Variants in CHST13 observed in about 807,000 individuals in gnomAD.
CHST13 encodes the protein carbohydrate sulfotransferase 13.
A neutral mutation model predicts 7.0 loss-of-function variants in CHST13; 1 was observed. The ratio of observed to expected loss-of-function variants is 0.14; its 90% CI spans 0.05 to 0.68. CHST13 has a LOEUF of 0.68. Ranked by LOEUF, CHST13 falls within the 30% of genes least tolerant of loss-of-function variation. The pLI is 0.82. For synonymous variants in CHST13, 257 were observed against 240.9 expected, an observed-to-expected ratio of 1.07 and a Z score of -0.62; for missense variants, 572 against 507.9, an observed-to-expected ratio of 1.13 and a Z score of -1.21.
intron 2 of CHST13, among the ~76,000 whole-genome samples, chr3:126,537,425 T>G (rs2107569312): frequency 6.6e-6 from 1 of 152,316 alleles, no homozygotes; most frequent in South Asian, 2.1e-4. Flanking sequence ...ATTTTCACCC[T>G]TGGGGTATCC....
Position 126,524,202 on chromosome 3 carries a change from G to C in CHST13, c.-131G>C. On this transcript the variant is annotated 5_prime_UTR_variant, in exon 1 of 3. Transcript: ENST00000319340. Reference sequence around the variant, plus strand: ...CTGGTGGGGCTGGGGTCCAGCTGCCGTGCTCCCCTGCCCTGCGCCGCGCCG... The same window carrying C: ...CTGGTGGGGCTGGGGTCCAGCTGCCCTGCTCCCCTGCCCTGCGCCGCGCCG... 1.6e-6 allele frequency: 1 copy of C among 631,518 alleles called. No individual in the cohort carries two copies. The highest frequency in any genetic ancestry group is 4.1e-5 in the East Asian group (1 of 24,470). The allele number at this position is 631,518 out of a possible 1,614,324, so 39.1% of individuals were successfully genotyped here.
rs974275187 is a variant in CHST13 at position 126,524,268 on chromosome 3, G to A, written c.-65G>A. 5 of 1,184,888 alleles carry A rather than the reference G, an allele frequency of 4.2e-6. No individual in the cohort carries two copies. In the Admixed American group the frequency reaches 2.2e-4, roughly 52 times the overall value. The allele number at this position is 1,184,888 out of a possible 1,614,324, so 73.4% of individuals were successfully genotyped here. Reference sequence around the variant, plus strand: ...GCTGCGCTGCCGGGGCCGGGTCCTGGGCCAGTGCAACTCCGCCCCCAGCCG... The same window carrying A: ...GCTGCGCTGCCGGGGCCGGGTCCTGAGCCAGTGCAACTCCGCCCCCAGCCG... On this transcript the variant is annotated 5_prime_UTR_variant, in exon 1 of 3. Transcript: ENST00000319340.
In CHST13 at chr3:126,542,465, G is replaced by C. The variant is rs1224762897; in HGVS notation, c.913G>C (p.Ala305Pro). ...RGAAASRDLA[A>P]RLFRDISPFY... ...AGCCGCCGCCTCCCGCGACCTGGCA[G>C]CGCGCCTCTTCCGGGACATCAGCCC... Residue 305 changes from alanine (A) to proline (P), a missense_variant, in exon 3 of 3, where the codon GCG (alanine) becomes CCG (proline). Physicochemically the swap from Ala to Pro is conservative, Grantham distance 27 (BLOSUM62 -1). Coordinates refer to ENST00000319340, the MANE Select transcript of CHST13 (RefSeq NM_152889.3). 1 of 1,575,778 alleles carries C rather than the reference G, an allele frequency of 6.3e-7. No individual in the cohort carries two copies. Among genetic ancestry groups the C allele is most frequent in the Non-Finnish European group, 8.6e-7 (1 of 1,163,776 alleles).
At chr3:126,540,735 A>G (rs1936940311) in intron 2 of CHST13, among the ~76,000 whole-genome samples, 1 of 152,200 alleles carries the variant, frequency 6.6e-6, no homozygotes, top group African/African-American at 2.4e-5. Context: ...GAATATGCCT[A>G]GGACCGGAAT....
chr3:126,536,491 T>G, intron 2 of CHST13, 138 bp downstream of exon 2: 1 of 635,682 alleles, frequency 1.6e-6, no homozygotes. Flanking sequence ...AACCAGGCTT[T>G]GTCAGAGAGC....
At chr3:126,541,071 G>T (rs144594475) in intron 2 of CHST13, among the ~76,000 whole-genome samples, 1 of 152,308 alleles carries the variant, frequency 6.6e-6, no homozygotes, top group Non-Finnish European at 1.5e-5. Flanking sequence ...ACATGGCTGA[G>T]GCTGCGAGGG....
chr3:126,528,587 GT>G (rs1268404357), intron 1 of CHST13, among the ~76,000 whole-genome samples: 1 of 152,140 alleles, frequency 6.6e-6, no homozygotes, highest in Non-Finnish European at 1.5e-5. Flanking sequence ...CTTGGTAATT[GT>G]TCCAGGGAGA....
chr3:126,538,663 G>A (rs1480955322), intron 2 of CHST13, among the ~76,000 whole-genome samples: 1 of 152,162 alleles, frequency 6.6e-6, no homozygotes, highest in East Asian at 1.9e-4. Context: ...CTTGGCTGTG[G>A]GCCCCGGGGG....
intron 1 of CHST13, chr3:126,529,336 T>C (rs1368920259): frequency 5.4e-6 from 7 of 1,289,258 alleles, no homozygotes; most frequent in African/African-American, 1.5e-5. Context: ...CCTGGGCTGG[T>C]ATTTCCTCAT....
At position 126,524,284 on chromosome 3, in the gene CHST13, C is replaced by A. The variant is rs1022032391; in HGVS notation, c.-49C>A. 21 of 1,213,498 alleles carry A rather than the reference C, an allele frequency of 1.7e-5. 1 individual carries two copies. The African/African-American group carries it at 2.8e-4, about 16-fold the overall frequency. The allele number at this position is 1,213,498 out of a possible 1,614,324, so 75.2% of individuals were successfully genotyped here. A position where few individuals can be genotyped will look rare whatever the true frequency, so the allele number is the denominator to read the frequency against. ...CGGGTCCTGGGCCAGTGCAACTCCG[C>A]CCCCAGCCGTATCCAGCGGACTGTC... On this transcript the variant is annotated 5_prime_UTR_variant, in exon 1 of 3. Coordinates refer to ENST00000319340, the MANE Select transcript of CHST13 (RefSeq NM_152889.3).
chr3:126,538,128 G>A (rs1936837383), intron 2 of CHST13, among the ~76,000 whole-genome samples: 1 of 152,220 alleles, frequency 6.6e-6, no homozygotes, highest in African/African-American at 2.4e-5. Flanking sequence ...GGGTATTCAT[G>A]TGCCTATGAG....
chr3:126,524,846 G>A lies in CHST13; in HGVS notation c.97+417G>A, dbSNP rs78318817. 1.7e-3 allele frequency among the ~76,000 whole-genome samples: 260 copies of A among 152,310 alleles called. 1 individual carries two copies. The highest frequency in any genetic ancestry group is 6.0e-3 in the African/African-American group (249 of 41,568). ...AGGGGAAGCTTGGGCCACTCGGTCC[G>A]GTCCCTTGGTTGTCCTACTGTGCAG... On this transcript the variant is annotated intron_variant, in intron 1 of 2. Transcript: ENST00000319340.
chr3:126,534,010 A>G (rs1231221713), intron 1 of CHST13, among the ~76,000 whole-genome samples: 2 of 152,140 alleles, frequency 1.3e-5, no homozygotes, highest in Admixed American at 1.3e-4. Flanking sequence ...TTGGGCTACA[A>G]TTGTTCAGAG....
chr3:126,539,132 T>A (rs975489226), intron 2 of CHST13, among the ~76,000 whole-genome samples: 5 of 152,080 alleles, frequency 3.3e-5, no homozygotes, highest in Admixed American at 2.0e-4. Flanking sequence ...TTCAAGCATA[T>A]GCAAGAAGAA....
rs1389125752 is a variant in CHST13, at chr3:126,542,572, G to A, written c.1020G>A (p.Leu340=). 6 of 1,485,864 alleles carry A rather than the reference G, an allele frequency of 4.0e-6. No individual in the cohort carries two copies. The South Asian group carries it at 5.5e-5, about 14-fold the overall frequency. The allele number at this position is 1,485,864 out of a possible 1,614,324, so 92.0% of individuals were successfully genotyped here. Residue 340 remains leucine, a synonymous_variant, in exon 3 of 3, where the codon CTG becomes CTA. Transcript: ENST00000319340. Reference sequence around the variant, plus strand: ...ACTCCGCCCCCTCCTACCTGCGGCTGCTCTAGCGGTCCTGGAGGTCCTGTG... The same window carrying A: ...ACTCCGCCCCCTCCTACCTGCGGCTACTCTAGCGGTCCTGGAGGTCCTGTG... ...FNYSAPSYLR[L]L
chr3:126,534,453 T>C (rs1476470153), intron 1 of CHST13, among the ~76,000 whole-genome samples: 1 of 152,014 alleles, frequency 6.6e-6, no homozygotes. Flanking sequence ...ACAGCATCCC[T>C]GTCCCCACCC....
chr3:126,542,250 T>C lies in CHST13; in HGVS notation c.698T>C (p.Leu233Pro), dbSNP rs1936978950. 3 of 1,540,442 alleles carry C rather than the reference T, an allele frequency of 1.9e-6. No homozygotes were observed. The highest frequency in any genetic ancestry group is 2.6e-6 in the Non-Finnish European group (3 of 1,150,734). Residue 233 changes from leucine to proline, a missense_variant, in exon 3 of 3, where the codon CTG becomes CCG. Transcript: ENST00000319340. ...VRFAEFLAYL[L>P]DPRTRREEPF... ...TTCGCGGAGTTCCTGGCCTACCTGC[T>C]GGACCCGCGCACGCGGCGTGAGGAG...
chr3:126,537,490 A>C (rs930680465), intron 2 of CHST13, among the ~76,000 whole-genome samples: 2 of 152,168 alleles, frequency 1.3e-5, no homozygotes, highest in South Asian at 2.1e-4. Flanking sequence ...CTGCTCCCCA[A>C]ATCCTGAGGG....
At chr3:126,535,088 CG>C (rs1936746552) in intron 1 of CHST13, among the ~76,000 whole-genome samples, 1 of 135,796 alleles carries the variant, frequency 7.4e-6, no homozygotes, top group African/African-American at 2.9e-5. Context: ...TGTCCCCAGC[CG>C]GGAGACAGAT....
Sources: allele counts gnomAD v4.1 joint callset (sites outside exome capture counted in the v4.1 genomes callset), GRCh38; gene constraint gnomAD v4.1.1; transcripts MANE v1.5; gene names NCBI Gene and HGNC (gene_info 2026-07-23, HGNC 2026-07-21).